Variants in CDH12 observed in about 807,000 individuals in gnomAD.
The protein encoded by CDH12 is cadherin-12.
In CDH12, 41 loss-of-function variants were observed where a neutral mutation model predicts 74.1. That is an observed-to-expected ratio of 0.55 (90% CI 0.43 to 0.72). CDH12 has a LOEUF of 0.72. Ranked by LOEUF, CDH12 falls within the 30% of genes least tolerant of loss-of-function variation. The pLI is 0.00. For synonymous variants in CDH12, 399 were observed against 355.0 expected (o/e 1.12, Z -1.39); for missense variants, 945 against 977.2 (o/e 0.97, Z 0.44).
At chr5:22,051,216 C>T (rs1167517367) in intron 5 of CDH12, among the ~76,000 whole-genome samples, 1 of 152,026 alleles carries the variant, frequency 6.6e-6, no homozygotes, top group Non-Finnish European at 1.5e-5. Context: ...TTGCCCCATC[C>T]TTGATGTTAT....
At chr5:22,016,010 A>C (rs1737581931) in intron 5 of CDH12, among the ~76,000 whole-genome samples, 2 of 152,180 alleles carry the variant, frequency 1.3e-5, no homozygotes, top group African/African-American at 4.8e-5. Flanking sequence ...GGACAGCATC[A>C]TAGTTACACA....
intron 3 of CDH12, among the ~76,000 whole-genome samples, chr5:22,216,840 G>C (rs1291690666): frequency 6.6e-6 from 1 of 151,862 alleles, no homozygotes; most frequent in Non-Finnish European, 1.5e-5. Flanking sequence ...CTAGCAGTGA[G>C]TAGTTTTCTA....
intron 1 of CDH12, among the ~76,000 whole-genome samples, chr5:22,725,182 T>C (rs983781396): frequency 6.6e-6 from 1 of 151,928 alleles, no homozygotes; most frequent in Admixed American, 6.6e-5. Context: ...GTGCTTCAGT[T>C]TTCTTGTCTA....
chr5:22,499,561 G>T (rs1053033450), intron 2 of CDH12, among the ~76,000 whole-genome samples: 2 of 152,168 alleles, frequency 1.3e-5, no homozygotes, highest in African/African-American at 4.8e-5. Context: ...ATATGAGCTT[G>T]TGTCAAAGAA....
intron 4 of CDH12, among the ~76,000 whole-genome samples, chr5:22,103,931 G>A (rs760723302): frequency 6.6e-6 from 1 of 152,280 alleles, no homozygotes; most frequent in Admixed American, 6.5e-5. Flanking sequence ...ACATAAATTT[G>A]TCAAGGTACT....
At chr5:22,670,488 C>A (rs1740848749) in intron 1 of CDH12, among the ~76,000 whole-genome samples, 1 of 152,042 alleles carries the variant, frequency 6.6e-6, no homozygotes, top group Non-Finnish European at 1.5e-5. Flanking sequence ...CCTTCTAGCT[C>A]ACTTCTATAT....
At chr5:22,004,278 A>C (rs1736800130) in intron 5 of CDH12, among the ~76,000 whole-genome samples, 1 of 152,168 alleles carries the variant, frequency 6.6e-6, no homozygotes, top group African/African-American at 2.4e-5. Context: ...AGTAATTGTC[A>C]AAGCTAGTTA....
chr5:21,806,890 C>CT (rs1747456632), intron 9 of CDH12, among the ~76,000 whole-genome samples: 1 of 152,098 alleles, frequency 6.6e-6, no homozygotes, highest in South Asian at 2.1e-4. Context: ...GATAGTAGTC[C>CT]CTCCCTATAA....
At chr5:22,298,464 A>G (rs2150417995) in intron 3 of CDH12, among the ~76,000 whole-genome samples, 1 of 152,224 alleles carries the variant, frequency 6.6e-6, no homozygotes, top group Admixed American at 6.5e-5. Context: ...ATAATATTCC[A>G]TAAAATGTGG....
chr5:22,657,252 G>A (rs1426568490), intron 1 of CDH12, among the ~76,000 whole-genome samples: 6 of 152,152 alleles, frequency 3.9e-5, no homozygotes, highest in Admixed American at 3.9e-4. Context: ...GGATGTGTAA[G>A]CATTGATTGG....
chr5:22,812,489 T>C (rs1749198595), intron 1 of CDH12, among the ~76,000 whole-genome samples: 1 of 152,086 alleles, frequency 6.6e-6, no homozygotes, highest in Admixed American at 6.6e-5. Context: ...AAGTACAGGG[T>C]CCCTTTTGAG....
intron 3 of CDH12, among the ~76,000 whole-genome samples, chr5:22,343,542 C>G (rs925878986): frequency 2.0e-5 from 3 of 152,050 alleles, no homozygotes; most frequent in Non-Finnish European, 2.9e-5. Flanking sequence ...CTCAGCCTCC[C>G]GAGTAGCTGG....
chr5:21,898,478 G>A (rs1156941344), intron 6 of CDH12, among the ~76,000 whole-genome samples: 4 of 152,090 alleles, frequency 2.6e-5, no homozygotes, highest in East Asian at 3.9e-4. Flanking sequence ...TGAGGCGGGC[G>A]GATCAGGAGG....
rs1744116116 is a variant in CDH12, at chr5:21,752,054, G to A, written c.2068C>T (p.Arg690Cys). 3 of 1,613,924 alleles carry A rather than the reference G, an allele frequency of 1.9e-6. No individual in the cohort carries two copies. The highest frequency in any genetic ancestry group is 2.2e-5 in the East Asian group (1 of 44,882). ...AGAGAGTCTGGTTTTATATCCCTGCGAATTTTGTTCTCCTCAATCACTTTT... is the reference window on the plus strand; with the variant it reads ...AGAGAGTCTGGTTTTATATCCCTGCAAATTTTGTTCTCCTCAATCACTTTT... ...NPKVIEENKIRRDIKPDSLCL... is the reference protein window; with the variant it reads ...NPKVIEENKICRDIKPDSLCL... The change falls in exon 15 of 15, where the codon CGC becomes TGC. Residue 690 changes from arginine to cysteine, a missense_variant. Arg to Cys is a radical substitution (Grantham distance 180). Around this residue, in one of 3 missense-constraint regions of CDH12, gnomAD observed 791 missense variants for 792.8 expected, o/e 1.00. Transcript: ENST00000382254.
At chr5:22,051,910 CAGTA>C (rs1186293483) in intron 5 of CDH12, among the ~76,000 whole-genome samples, 5 of 152,042 alleles carry the variant, frequency 3.3e-5, no homozygotes, top group African/African-American at 1.2e-4. Context: ...AGAAAGAAAA[CAGTA>C]AGATTTTAAA....
intron 6 of CDH12, among the ~76,000 whole-genome samples, chr5:21,884,978 C>T (rs191460392): frequency 3.9e-5 from 6 of 152,148 alleles, no homozygotes; most frequent in African/African-American, 4.8e-5. Context: ...CTCTGCCTCC[C>T]GGGTTCAAAC....
chr5:22,095,319 C>T (rs1008528232), intron 4 of CDH12, among the ~76,000 whole-genome samples: 4 of 151,994 alleles, frequency 2.6e-5, no homozygotes, highest in African/African-American at 4.8e-5. Flanking sequence ...ATTTCAATTC[C>T]TTTCATTTTC....
At chr5:21,784,354 C>A (rs966082494) in intron 10 of CDH12, among the ~76,000 whole-genome samples, 12 of 151,938 alleles carry the variant, frequency 7.9e-5, no homozygotes, top group African/African-American at 2.9e-4. Context: ...AGACGTTATT[C>A]TCAATGCTTA....
chr5:22,705,993 T>C (rs991522709), intron 1 of CDH12, among the ~76,000 whole-genome samples: 6 of 152,120 alleles, frequency 3.9e-5, no homozygotes, highest in African/African-American at 1.4e-4. Flanking sequence ...AAACATGATA[T>C]GACATATGTT....
Sources: allele counts gnomAD v4.1 joint callset (sites outside exome capture counted in the v4.1 genomes callset), GRCh38; gene constraint gnomAD v4.1.1; regional missense constraint gnomAD v4.1.1; transcripts MANE v1.5; gene names NCBI Gene and HGNC (gene_info 2026-07-23, HGNC 2026-07-21).